The following IGFN1 variants were observed in gnomAD, a reference collection of about 807,000 sequenced individuals.
The protein encoded by IGFN1 is immunoglobulin-like and fibronectin type III domain-containing protein 1.
A neutral mutation model predicts 289.5 loss-of-function variants in IGFN1; 253 were observed. The ratio of observed to expected loss-of-function variants is 0.87; its 90% CI spans 0.79 to 0.97. The LOEUF is 0.97. Ranked by LOEUF, IGFN1 falls within the 50% of genes least tolerant of loss-of-function variation. IGFN1 has a pLI of 0.00. For synonymous variants in IGFN1, 1,706 were observed against 1,788.5 expected, an observed-to-expected ratio of 0.95 and a Z score of 1.16; for missense variants, 4,470 against 4,686.1, an observed-to-expected ratio of 0.95 and a Z score of 1.35.
rs1654279161 is a variant in IGFN1, at chr1:201,228,744, C to T, written c.*345C>T. On this transcript the variant is annotated 3_prime_UTR_variant, in exon 24 of 24. Transcript: ENST00000335211. Reference sequence around the variant, plus strand: ...GGCTCCTTATTTTCCTGGGCTGAGCCGTTTGGAGGGAGGGTGGGCACAGCT... The same window carrying T: ...GGCTCCTTATTTTCCTGGGCTGAGCTGTTTGGAGGGAGGGTGGGCACAGCT... 2.2e-5 allele frequency: 7 copies of T among 312,776 alleles called. No individual in the cohort carries two copies. The highest frequency in any genetic ancestry group is 1.2e-4 in the South Asian group (3 of 26,018). 19.4% of individuals were successfully genotyped at this position (312,776 alleles called of 1,614,324 possible).
rs1338775501 is a variant in IGFN1, at chr1:201,192,323, T to C, written c.-47-924T>C. Among the ~76,000 whole-genome samples, 4 of 152,178 alleles carry C rather than the reference T, an allele frequency of 2.6e-5. No homozygotes were observed. The East Asian group carries it at 7.7e-4, about 29-fold the overall frequency. ...TGGGCAGAAAATGGAGTCCCCAAAA[T>C]GGAACCGCTTGGCCATGGGCCAATC... On this transcript the variant is annotated intron_variant, in intron 1 of 23. Transcript: ENST00000335211.
rs748320888 is a variant in IGFN1 at position 201,216,471 on chromosome 1, C to T, written c.9313C>T (p.Gln3105Ter). The change falls in exon 16 of 24, where the codon CAA becomes TAA. Residue 3105 changes from glutamine (Q) to a stop codon, truncating the protein, a stop_gained. Transcript: ENST00000335211. LOFTEE classifies it high-confidence loss of function. ...LQVIDKPDPP[Q>*]GPMEVQDCHR... ...GTCCCCAGACAAGCCTGATCCCCCA[C>T]AAGGCCCCATGGAGGTTCAGGATTG... The T allele has an allele frequency of 6.3e-7, 1 of 1,578,040 alleles. No individual in the cohort carries two copies. Among genetic ancestry groups the T allele is most frequent in the South Asian group, 1.1e-5 (1 of 87,580 alleles).
Position 201,213,401 on chromosome 1 carries a change from C to T in IGFN1, c.8508C>T (p.Asp2836=), listed in dbSNP as rs545539669. ...GAGGAGGAAAGAGAAGGGGAGCAGA[C>T]GAGGCTGGAAGCATGGGGTGGCAGC... ...EVGGGKRRGA[D]EAGSMGWQPM... is the part of the protein sequence containing the mutation. Residue 2836 remains aspartate, a synonymous_variant, in exon 12 of 24, where the codon GAC becomes GAT. Transcript: ENST00000335211. The T allele has an allele frequency of 3.1e-5, 50 of 1,613,798 alleles. No individual in the cohort carries two copies. Among genetic ancestry groups the T allele is most frequent in the East Asian group, 4.5e-5 (2 of 44,880 alleles).
At chr1:201,197,942 G>A (rs186968558) in intron 5 of IGFN1, among the ~76,000 whole-genome samples, 66 of 152,254 alleles carry the variant, frequency 4.3e-4, no homozygotes, top group Non-Finnish European at 7.9e-4. Context: ...TGCGAGTGGC[G>A]TCCAGGGCTC....
Position 201,212,488 on chromosome 1 carries a change from G to A in IGFN1, c.7595G>A (p.Gly2532Glu). The change falls in exon 12 of 24, where the codon GGG becomes GAG. Residue 2532 changes from glycine to glutamate, a missense_variant. Physicochemically the swap from Gly to Glu is moderately conservative, Grantham distance 98 (BLOSUM62 -2). Around this residue, in one of 8 missense-constraint regions of IGFN1, gnomAD observed 2,218 missense variants for 2,114.1 expected, o/e 1.05. Coordinates refer to ENST00000335211, the MANE Select transcript of IGFN1 (RefSeq NM_001164586.2). ...GCTTCTGGGTTTCTTGATGGCAAGG[G>A]GGCAGTGGAAGGTGAGACCTGGGCA... ...MGASGFLDGK[G>E]AVEGETWAGM... is the part of the protein sequence containing the mutation. 1 of 1,541,688 alleles carries A rather than the reference G, an allele frequency of 6.5e-7. No homozygotes were observed. The highest frequency in any genetic ancestry group is 8.7e-7 in the Non-Finnish European group (1 of 1,146,844).
intron 15 of IGFN1, 99 bp from the exon 16 acceptor site, chr1:201,216,355 G>T (rs975465993): frequency 3.5e-5 from 33 of 938,368 alleles, no homozygotes; most frequent in South Asian, 7.0e-5. Flanking sequence ...GGATGGGGGT[G>T]GGGGGGAGTC....
chr1:201,208,889 G>C lies in IGFN1; in HGVS notation c.3996G>C (p.Glu1332Asp), dbSNP rs774412123. 6.5e-6 allele frequency: 10 copies of C among 1,536,714 alleles called. No individual in the cohort carries two copies. Among genetic ancestry groups the C allele is most frequent in the Non-Finnish European group, 8.7e-6 (10 of 1,146,812 alleles). The change falls in exon 12 of 24, where the codon GAG becomes GAC. Residue 1332 changes from glutamate (E) to aspartate (D), a missense_variant. Physicochemically the swap from Glu to Asp is conservative, Grantham distance 45 (BLOSUM62 2). This residue lies in a region of IGFN1 where 2,011 missense variants were observed against 1,953.4 expected (regional missense o/e 1.03). Transcript: ENST00000335211. Reference sequence around the variant, plus strand: ...ATAGGAAAGATTTAGGGGCTCCTGAGGGAATAAGTTCAGGGAGCAAGGCAG... The same window carrying C: ...ATAGGAAAGATTTAGGGGCTCCTGACGGAATAAGTTCAGGGAGCAAGGCAG... Reference protein sequence around the residue: ...AGYRKDLGAPEGISSGSKADY... With the variant: ...AGYRKDLGAPDGISSGSKADY...
Position 201,195,931 on chromosome 1 carries a change from A to T in IGFN1, c.220A>T (p.Lys74Ter), listed in dbSNP as rs1666898649. ...CAAAGGTGACCTCAGTGATTCCAGC[A>T]AGTACAAGATCTCCTCCAGCCCTGG... ...NSKGDLSDSS[K>*]YKISSSPGSK... Residue 74 changes from lysine to a stop codon, truncating the protein, a stop_gained, in exon 4 of 24, where the codon AAG becomes TAG. Coordinates refer to ENST00000335211, the MANE Select transcript of IGFN1 (RefSeq NM_001164586.2). LOFTEE classifies it high-confidence loss of function. 6.4e-7 allele frequency: 1 copy of T among 1,551,698 alleles called. No homozygotes were observed. The highest frequency in any genetic ancestry group is 8.7e-7 in the Non-Finnish European group (1 of 1,147,026).
chr1:201,226,970 G>T lies in IGFN1; in HGVS notation c.10875G>T (p.Leu3625=). ...RFLVGLRSHL[L]PQGCECCMSC... is the part of the protein sequence containing the mutation. ...TGGTGGGCCTGCGGTCCCACCTGCTGCCCCAGGGCTGCGAGTGCTGCATGA... is the reference window on the plus strand; with the variant it reads ...TGGTGGGCCTGCGGTCCCACCTGCTTCCCCAGGGCTGCGAGTGCTGCATGA... The change falls in exon 23 of 24, where the codon CTG becomes CTT. Residue 3625 remains leucine, a synonymous_variant. Transcript: ENST00000335211. 1 of 1,613,092 alleles carries T rather than the reference G, an allele frequency of 6.2e-7. No homozygotes were observed. Among genetic ancestry groups the T allele is most frequent in the Non-Finnish European group, 8.5e-7 (1 of 1,179,942 alleles).
rs143641590 is a variant in IGFN1, at chr1:201,211,311, G to A, written c.6418G>A (p.Ala2140Thr). The A allele has an allele frequency of 4.1e-3, 6,279 of 1,529,510 alleles. 22 individuals carry two copies. Among genetic ancestry groups the A allele is most frequent in the South Asian group, 8.4e-3 (707 of 83,722 alleles). 94.7% of individuals were successfully genotyped at this position (1,529,510 alleles called of 1,614,324 possible). ...TACAGAAATGGGGTCAGTGAATGAG[G>A]CAGGTTATAGGAAGGATTTGGGGGC... is the stretch of plus-strand genomic sequence containing the variant. ...SSTEMGSVNE[A>T]GYRKDLGAPK... Residue 2140 changes from alanine (A) to threonine (T), a missense_variant, in exon 12 of 24, where the codon GCA becomes ACA. Ala to Thr is a moderately conservative substitution (Grantham distance 58). Coordinates refer to ENST00000335211, the MANE Select transcript of IGFN1 (RefSeq NM_001164586.2).
chr1:201,227,319 A>C lies in IGFN1; in HGVS notation c.11113+111A>C, dbSNP rs924018260. ...TAGAGGGATTCAGCCGGGAGTCAGG[A>C]GACCAGGACTCTCTGCCTGACTCTA... On this transcript the variant is annotated intron_variant, in intron 23 of 23. Transcript: ENST00000335211. 4 of 751,420 alleles carry C rather than the reference A, an allele frequency of 5.3e-6. No homozygotes were observed. In the African/African-American group the frequency reaches 7.0e-5, roughly 13 times the overall value. 46.5% of individuals were successfully genotyped at this position (751,420 alleles called of 1,614,324 possible). A position where few individuals can be genotyped will look rare whatever the true frequency, so the allele number is the denominator to read the frequency against.
intron 20 of IGFN1, 139 bp from the exon 21 acceptor site, chr1:201,224,540 G>T (rs6687494): frequency 0.89 from 591,868 of 663,676 alleles, 264,581 homozygotes; most frequent in East Asian, 1. Context: ...TTTTCTTGTC[G>T]ACGTTGTGTT....
intron 1 of IGFN1, among the ~76,000 whole-genome samples, chr1:201,191,769 T>C (rs757576403): frequency 2.0e-5 from 3 of 152,112 alleles, no homozygotes; most frequent in East Asian, 1.9e-4. Flanking sequence ...CTGGGAGCTG[T>C]AGGCAGGAGG....
rs1002594861 is a variant in IGFN1 at position 201,214,218 on chromosome 1, G to T, written c.8770G>T (p.Val2924Leu). 4 of 1,613,380 alleles carry T rather than the reference G, an allele frequency of 2.5e-6. No individual in the cohort carries two copies. In the Admixed American group the frequency reaches 5.0e-5, roughly 20 times the overall value. Residue 2924 changes from valine (V) to leucine (L), a missense_variant, in exon 13 of 24, where the codon GTG becomes TTG. Val to Leu is a conservative substitution (Grantham distance 32). Coordinates refer to ENST00000335211, the MANE Select transcript of IGFN1 (RefSeq NM_001164586.2). ...CTCCCAGGGCCTGGCTGACATGGAA[G>T]TGCAGCCGGGGGAGGCCGCCACACT... The part of the protein sequence containing the change: ...HFSQGLADME[V>L]QPGEAATLSC...
chr1:201,226,868 G>A lies in IGFN1; in HGVS notation c.10787-14G>A, dbSNP rs150628404. On this transcript the variant is annotated splice_polypyrimidine_tract_variant and intron_variant, in intron 22 of 23. Transcript: ENST00000335211. ...CTTTCTCACCCTCTTCTCTCACCCC[G>A]GCTTTCACCACAGACAGGTTCACAG... 6.2e-4 allele frequency: 966 copies of A among 1,552,622 alleles called. 7 individuals are homozygous for A. In the African/African-American group the frequency reaches 9.2e-3, roughly 15 times the overall value.
intron 8 of IGFN1, 62 bp from the exon 9 acceptor site, chr1:201,201,657 T>G: frequency 1.1e-6 from 1 of 883,668 alleles, no homozygotes; most frequent in Non-Finnish European, 1.9e-6. Flanking sequence ...CTATGAGGGT[T>G]CAGAGTACCC....
In IGFN1 at chr1:201,207,458, G is replaced by A; in HGVS notation, c.2565G>A (p.Gly855=). The A allele has an allele frequency of 6.5e-7, 1 of 1,530,812 alleles. No homozygotes were observed. Among genetic ancestry groups the A allele is most frequent in the Non-Finnish European group, 8.7e-7 (1 of 1,143,584 alleles). The allele number at this position is 1,530,812 out of a possible 1,614,324, so 94.8% of individuals were successfully genotyped here. The stretch of plus-strand genomic sequence containing the variant: ...TCAGAAAAACTGGGGCCCACCATGG[G>A]CCTGGAGTGCTGGGGCCCAGTGGAG... The part of the protein sequence containing the change: ...SSLRKTGAHH[G]PGVLGPSGGQ... The change falls in exon 12 of 24, where the codon GGG becomes GGA. Residue 855 remains glycine, a synonymous_variant. Transcript: ENST00000335211.
Position 201,213,449 on chromosome 1 carries a change from C to A in IGFN1, c.8556C>A (p.Cys2852Ter). Residue 2852 changes from cysteine (C) to a stop codon, truncating the protein, a stop_gained, in exon 12 of 24, where the codon TGC becomes TGA. Coordinates refer to ENST00000335211, the MANE Select transcript of IGFN1 (RefSeq NM_001164586.2). LOFTEE classifies it high-confidence loss of function. ...AGCCTATGGGAGAGAACTGGGGGTG[C>A]CTGGAGGAGATGCTGAATGAAGATC... ...GWQPMGENWG[C>*]LEEMLNEDQS... The A allele has an allele frequency of 9.9e-6, 16 of 1,613,924 alleles. No individual in the cohort carries two copies. The highest frequency in any genetic ancestry group is 1.2e-5 in the Non-Finnish European group (14 of 1,179,930).
intron 7 of IGFN1, among the ~76,000 whole-genome samples, chr1:201,199,955 A>G (rs562728372): frequency 6.6e-6 from 1 of 152,170 alleles, no homozygotes; most frequent in East Asian, 1.9e-4. Context: ...AAGCAACAGA[A>G]CAATGCAACA....
Sources: gnomAD v4.1 joint callset for allele counts (sites outside exome capture counted in the v4.1 genomes callset) on GRCh38, gnomAD v4.1.1 for gene constraint, gnomAD v4.1.1 regional missense constraint, MANE v1.5 for transcripts, NCBI Gene and HGNC (gene_info 2026-07-23, HGNC 2026-07-21) for gene names.